RICTOR: variants seen among roughly 807,000 people sequenced by gnomAD.
RICTOR encodes rapamycin-insensitive companion of mTOR.
Under a neutral mutation model 214.9 loss-of-function variants are expected in RICTOR, and 49 were observed. That is an observed-to-expected ratio of 0.23 (90% CI 0.18 to 0.29). The LOEUF (loss-of-function observed/expected upper bound fraction) is 0.29, where lower values mean the gene tolerates loss of function less well. Ranked by LOEUF, RICTOR falls within the 10% of genes least tolerant of loss-of-function variation. The pLI is 1.00. For missense variants in RICTOR, 1,625 were observed against 2,047.0 expected, an observed-to-expected ratio of 0.79 and a Z score of 3.98; for synonymous variants, 717 against 711.3, an observed-to-expected ratio of 1.01 and a Z score of -0.13.
intron 2 of RICTOR, among the ~76,000 whole-genome samples, chr5:39,031,668 C>T (rs1370678231): frequency 6.6e-6 from 1 of 152,116 alleles, no homozygotes; most frequent in African/African-American, 2.4e-5. Flanking sequence ...TAGAGCTGAA[C>T]AATGCATTCT....
intron 2 of RICTOR, among the ~76,000 whole-genome samples, chr5:39,041,008 G>A (rs1360269416): frequency 6.6e-6 from 1 of 152,212 alleles, no homozygotes; most frequent in Non-Finnish European, 1.5e-5. Flanking sequence ...TTTCACTAGA[G>A]TATAAGACAA....
chr5:38,964,900 G>A lies in RICTOR; in HGVS notation c.1300-8C>T, dbSNP rs1294469083. 1 of 1,553,950 alleles carries A rather than the reference G, an allele frequency of 6.4e-7. No homozygotes were observed. Among genetic ancestry groups the A allele is most frequent in the South Asian group, 1.1e-5 (1 of 88,478 alleles). ...AGGAAGAATTGTGTTTGCCTAAAATGAAGCATAACATTTTACATGAGTTTT... is the reference window on the plus strand; with the variant it reads ...AGGAAGAATTGTGTTTGCCTAAAATAAAGCATAACATTTTACATGAGTTTT... On this transcript the variant is annotated splice_region_variant and splice_polypyrimidine_tract_variant and intron_variant, in intron 15 of 37. Transcript: ENST00000357387.
intron 8 of RICTOR, 144 bp from the exon 9 acceptor site, chr5:38,978,794 G>T: frequency 2.1e-6 from 1 of 478,050 alleles, no homozygotes; most frequent in Non-Finnish European, 3.7e-6. Flanking sequence ...CATCATCAGG[G>T]AATATGTTTG....
rs372193169 is a variant in RICTOR at position 38,952,992 on chromosome 5, T to C, written c.2890A>G (p.Ile964Val). Residue 964 changes from isoleucine to valine, a missense_variant, in exon 29 of 38, where the codon ATC becomes GTC. Coordinates refer to ENST00000357387, the MANE Select transcript of RICTOR (RefSeq NM_152756.5). ...CTGAGTTAAATGACCTACCCTCTGA[T>C]GGAAAGAACTTCACACTGTTTTGCA... is the stretch of plus-strand genomic sequence containing the variant. ...KLAKQCEVLS[I>V]RGTCVYVLGL... 5.0e-6 allele frequency: 8 copies of C among 1,594,952 alleles called. No individual in the cohort carries two copies. The highest frequency in any genetic ancestry group is 6.0e-6 in the Non-Finnish European group (7 of 1,164,416).
intron 11 of RICTOR, chr5:38,969,588 C>A (rs112444715): frequency 6.6e-6 from 1 of 151,820 alleles, no homozygotes; most frequent in Admixed American, 6.6e-5. Context: ...ACTTCTCACA[C>A]ATTGACTCAT....
chr5:39,004,746 C>T (rs894494268), intron 3 of RICTOR, among the ~76,000 whole-genome samples: 7 of 147,538 alleles, frequency 4.7e-5, no homozygotes, highest in Non-Finnish European at 8.9e-5. Context: ...GGATTACAGG[C>T]GTGAGCCACC....
rs554387430 is a variant in RICTOR, at chr5:38,954,450, T to C, written c.2697+324A>G. Among the ~76,000 whole-genome samples, 7 of 152,046 alleles carry C rather than the reference T, an allele frequency of 4.6e-5. No individual in the cohort carries two copies. The South Asian group carries it at 1.2e-3, about 27-fold the overall frequency. ...GTGGAAGAAAAACTCGGTTTTTCAG[T>C]ACGTTTTTGGAGATCTGAATTTCTC... On this transcript the variant is annotated intron_variant, in intron 27 of 37. Transcript: ENST00000357387.
In RICTOR at chr5:38,938,518, A is replaced by C. The variant is rs1747210238; in HGVS notation, c.*3786T>G. 4.3e-6 allele frequency: 1 copy of C among 232,692 alleles called. No individual in the cohort carries two copies. The highest frequency in any genetic ancestry group is 8.5e-6 in the Non-Finnish European group (1 of 117,552). The allele number at this position is 232,692 out of a possible 1,614,324, so 14.4% of individuals were successfully genotyped here. A position where few individuals can be genotyped will look rare whatever the true frequency, so the allele number is the denominator to read the frequency against. ...TTTTGAAATTAAATATTCTATAAAG[A>C]AAGTAAAACAAAATGTGCAATTTAT... is the stretch of plus-strand genomic sequence containing the variant. On this transcript the variant is annotated 3_prime_UTR_variant, in exon 38 of 38. Coordinates refer to ENST00000357387, the MANE Select transcript of RICTOR (RefSeq NM_152756.5).
rs1300981156 is a variant in RICTOR, at chr5:38,962,507, T to C, written c.1646A>G (p.Asn549Ser). 3 of 1,572,140 alleles carry C rather than the reference T, an allele frequency of 1.9e-6. No individual in the cohort carries two copies. Among genetic ancestry groups the C allele is most frequent in the Non-Finnish European group, 1.7e-6 (2 of 1,149,690 alleles). ...QHKENLEWNW[N>S]LIGTILKWPN... ...TACCTTAAGAATGGTCCCTATAAGA[T>C]TCCAATTCCATTCAAGATTCTCTTT... Residue 549 changes from asparagine (N) to serine (S), a missense_variant, in exon 18 of 38, where the codon AAT becomes AGT. Physicochemically the swap from Asn to Ser is conservative, Grantham distance 46 (BLOSUM62 1). Coordinates refer to ENST00000357387, the MANE Select transcript of RICTOR (RefSeq NM_152756.5).
intron 2 of RICTOR, among the ~76,000 whole-genome samples, chr5:39,062,582 G>A (rs916031518): frequency 6.6e-6 from 1 of 152,064 alleles, no homozygotes; most frequent in Non-Finnish European, 1.5e-5. Flanking sequence ...TTTAAGATGT[G>A]ATTTTTTGAA....
chr5:38,964,739 A>C, intron 16 of RICTOR, 53 bp downstream of exon 16: 1 of 891,276 alleles, frequency 1.1e-6, no homozygotes, highest in East Asian at 2.7e-5. Flanking sequence ...ACAATAATCT[A>C]ATTTGATATT....
chr5:38,991,928 G>A (rs1752806110), intron 6 of RICTOR, among the ~76,000 whole-genome samples: 1 of 152,012 alleles, frequency 6.6e-6, no homozygotes, highest in African/African-American at 2.4e-5. Flanking sequence ...AAATATTAGA[G>A]AAAATTAATT....
At chr5:38,947,799 T>C (rs1338497265) in intron 31 of RICTOR, among the ~76,000 whole-genome samples, 2 of 152,138 alleles carry the variant, frequency 1.3e-5, no homozygotes, top group Non-Finnish European at 2.9e-5. Context: ...TTGAGACTAC[T>C]AGATTTGGCA....
At chr5:38,953,148 G>T in intron 28 of RICTOR, 57 bp from the exon 29 acceptor site, 2 of 1,248,290 alleles carry the variant, frequency 1.6e-6, no homozygotes, top group Non-Finnish European at 2.3e-6. Context: ...CAAAAGATTT[G>T]GAAAGCTACC....
intron 2 of RICTOR, among the ~76,000 whole-genome samples, chr5:39,059,082 C>T (rs1170272705): frequency 6.6e-6 from 1 of 152,052 alleles, no homozygotes; most frequent in Non-Finnish European, 1.5e-5. Flanking sequence ...ACTGACAATC[C>T]TAAAGAATCC....
At chr5:39,058,377 AAG>A (rs1364297490) in intron 2 of RICTOR, among the ~76,000 whole-genome samples, 1 of 152,096 alleles carries the variant, frequency 6.6e-6, no homozygotes, top group African/African-American at 2.4e-5. Context: ...ACAAGGCAGA[AAG>A]AGAAACAATC....
chr5:38,943,671 G>C (rs1361639149), intron 36 of RICTOR, among the ~76,000 whole-genome samples: 1 of 152,112 alleles, frequency 6.6e-6, no homozygotes, highest in East Asian at 1.9e-4. Flanking sequence ...AAATTAGCTA[G>C]GTGTGGTGGT....
At chr5:38,988,051 T>C (rs1752308127) in intron 7 of RICTOR, among the ~76,000 whole-genome samples, 1 of 152,222 alleles carries the variant, frequency 6.6e-6, no homozygotes, top group African/African-American at 2.4e-5. Context: ...CCTAATTTGA[T>C]TGAACTGTAG....
chr5:39,038,448 T>G (rs1233540599), intron 2 of RICTOR, among the ~76,000 whole-genome samples: 1 of 152,120 alleles, frequency 6.6e-6, no homozygotes, highest in African/African-American at 2.4e-5. Context: ...CTATTCAACA[T>G]AGTGTTGGAA....
Sources: allele counts gnomAD v4.1 joint callset (sites outside exome capture counted in the v4.1 genomes callset), GRCh38; gene constraint gnomAD v4.1.1; transcripts MANE v1.5; gene names NCBI Gene and HGNC (gene_info 2026-07-23, HGNC 2026-07-21).